The following NSRP1 variants were observed in gnomAD, a reference collection of about 807,000 sequenced individuals.
NSRP1 encodes the protein coiled-coil domain containing 55.
A neutral mutation model predicts 54.7 loss-of-function variants in NSRP1; 24 were observed. The ratio of observed to expected loss-of-function variants is 0.44; its 90% confidence interval spans 0.32 to 0.62. NSRP1 has a LOEUF of 0.62. NSRP1 is among the 20% of genes least tolerant of loss of function. The probability of loss-of-function intolerance (pLI) is 0.06; values close to 1 mark genes in which losing one functional copy is unlikely to be tolerated. For synonymous variants in NSRP1, 210 were observed against 213.8 expected (o/e 0.98, Z 0.15); for missense variants, 596 against 651.2 (o/e 0.92, Z 0.92).
chr17:30,159,031 A>C (rs1033440359), intron 2 of NSRP1, among the ~76,000 whole-genome samples: 9 of 152,192 alleles, frequency 5.9e-5, no homozygotes, highest in Non-Finnish European at 4.4e-5. Flanking sequence ...GATTGCGTTG[A>C]ATCTGTAGAT....
intron 5 of NSRP1, 69 bp downstream of exon 5, chr17:30,179,366 GCT>G: frequency 6.8e-7 from 1 of 1,460,852 alleles, no homozygotes; most frequent in Non-Finnish European, 9.0e-7. Flanking sequence ...TTAGCTGTTT[GCT>G]CTGTCACTGA....
At chr17:30,167,625 T>A (rs1904781349) in intron 2 of NSRP1, among the ~76,000 whole-genome samples, 2 of 152,024 alleles carry the variant, frequency 1.3e-5, no homozygotes, top group Non-Finnish European at 2.9e-5. Context: ...AAAAATAAGA[T>A]CTTACTGATC....
chr17:30,130,058 T>C (rs557328698), intron 2 of NSRP1, among the ~76,000 whole-genome samples: 4 of 152,218 alleles, frequency 2.6e-5, no homozygotes, highest in South Asian at 4.2e-4. Context: ...AGTGGGGAGA[T>C]GGCAAGAAAA....
Position 30,184,903 on chromosome 17 carries a change from C to T in NSRP1, c.906C>T (p.His302=). The change falls in exon 7 of 7, where the codon CAC becomes CAT. Residue 302 remains histidine, a synonymous_variant. Coordinates refer to ENST00000247026, the MANE Select transcript of NSRP1 (RefSeq NM_032141.4). The part of the protein sequence containing the change: ...PSEERGHSTR[H]HTKGSRTSRG... Reference sequence around the variant, plus strand: ...AAGAAAGAGGGCACAGTACCAGGCACCACACGAAAGGATCACGAACGTCGA... The same window carrying T: ...AAGAAAGAGGGCACAGTACCAGGCATCACACGAAAGGATCACGAACGTCGA... 1.2e-6 allele frequency: 2 copies of T among 1,614,088 alleles called. No homozygotes were observed. The highest frequency in any genetic ancestry group is 1.7e-6 in the Non-Finnish European group (2 of 1,180,024).
chr17:30,122,349 T>TGTGTGTGTGTATATATATATATATATA (rs1481107161), intron 2 of NSRP1: 1 of 72,304 alleles, frequency 1.4e-5, no homozygotes, highest in African/African-American at 5.7e-5. Flanking sequence ...ATAACTCTGG[T>TGTGTGTGTGTATATATATATATATATA]TTCATATATA....
intron 2 of NSRP1, among the ~76,000 whole-genome samples, chr17:30,164,480 A>G (rs1192996743): frequency 1.3e-5 from 2 of 152,106 alleles, no homozygotes; most frequent in African/African-American, 4.8e-5. Flanking sequence ...GTCTCCCTAA[A>G]TTTAAAACTA....
intron 6 of NSRP1, among the ~76,000 whole-genome samples, chr17:30,183,491 ACT>A (rs1221029905): frequency 6.6e-6 from 1 of 152,100 alleles, no homozygotes; most frequent in Non-Finnish European, 1.5e-5. Flanking sequence ...CTGCCATGAA[ACT>A]CTGTAATGTC....
chr17:30,159,484 G>A (rs1904433608), intron 2 of NSRP1, among the ~76,000 whole-genome samples: 1 of 151,340 alleles, frequency 6.6e-6, no homozygotes, highest in Middle Eastern at 3.2e-3. Flanking sequence ...TGATTGCTTT[G>A]GCCAGGACTT....
chr17:30,116,955 A>G, intron 1 of NSRP1, 92 bp downstream of exon 1: 1 of 1,446,806 alleles, frequency 6.9e-7, no homozygotes, highest in Non-Finnish European at 9.5e-7. Flanking sequence ...GCTGGAAGTG[A>G]AGGGACTGTG....
intron 2 of NSRP1, among the ~76,000 whole-genome samples, chr17:30,129,085 T>C (rs2071677429): frequency 6.6e-6 from 1 of 151,900 alleles, no homozygotes; most frequent in Non-Finnish European, 1.5e-5. Flanking sequence ...CTTTTCTGTA[T>C]TTTCAACTAT....
At chr17:30,138,681 G>C (rs1041961264) in intron 2 of NSRP1, among the ~76,000 whole-genome samples, 3 of 152,098 alleles carry the variant, frequency 2.0e-5, no homozygotes, top group Admixed American at 6.6e-5. Flanking sequence ...GTATACTTTG[G>C]GGGGTGGAGG....
chr17:30,135,071 T>G (rs1169846387), intron 2 of NSRP1, among the ~76,000 whole-genome samples: 1 of 152,146 alleles, frequency 6.6e-6, no homozygotes, highest in Non-Finnish European at 1.5e-5. Context: ...AAGAGGAAAT[T>G]CAGAAATTTG....
Position 30,185,507 on chromosome 17 carries a change from G to A in NSRP1, c.1510G>A (p.Glu504Lys), listed in dbSNP as rs1905500636. The change falls in exon 7 of 7, where the codon GAG (glutamate) becomes AAG (lysine). Residue 504 changes from glutamate (E) to lysine (K), a missense_variant. Glu to Lys is a moderately conservative substitution (Grantham distance 56, BLOSUM62 1). Transcript: ENST00000247026. ...ACTGGGAGCAAAACACAGACTCACA[G>A]AGGAAGGGCAAGAGAAGGGTAAAGA... Reference protein sequence around the residue: ...SSLGAKHRLTEEGQEKGKEQE... With the variant: ...SSLGAKHRLTKEGQEKGKEQE... 1 of 1,614,088 alleles carries A rather than the reference G, an allele frequency of 6.2e-7. No homozygotes were observed. The highest frequency in any genetic ancestry group is 8.5e-7 in the Non-Finnish European group (1 of 1,180,020).
chr17:30,123,289 T>G (rs2071620646), intron 2 of NSRP1, among the ~76,000 whole-genome samples: 1 of 151,722 alleles, frequency 6.6e-6, no homozygotes. Context: ...AGCTAATTTT[T>G]GTATTTTTAG....
chr17:30,163,776 G>A (rs1043790135), intron 2 of NSRP1, among the ~76,000 whole-genome samples: 1 of 150,464 alleles, frequency 6.6e-6, no homozygotes, highest in African/African-American at 2.4e-5. Flanking sequence ...CCACCTCCTG[G>A]GTGCAAGCAA....
chr17:30,138,929 T>G (rs1184921048), intron 2 of NSRP1, among the ~76,000 whole-genome samples: 3 of 141,838 alleles, frequency 2.1e-5, no homozygotes, highest in Non-Finnish European at 4.6e-5. Flanking sequence ...TTTTTTTTTT[T>G]TTTTTTGAGA....
intron 4 of NSRP1, 96 bp from the exon 5 acceptor site, chr17:30,178,994 C>A (rs527313040): frequency 2.9e-6 from 2 of 679,372 alleles, no homozygotes; most frequent in Admixed American, 3.7e-5. Context: ...CTTATTTGGG[C>A]CAATCATTTC....
chr17:30,117,585 C>T (rs1597588935), intron 1 of NSRP1: 1 of 375,588 alleles, frequency 2.7e-6, no homozygotes, highest in East Asian at 3.9e-5. Context: ...TTGGGTTTCT[C>T]AGTTATCTTT....
chr17:30,164,794 T>A (rs888496903), intron 2 of NSRP1, among the ~76,000 whole-genome samples: 2 of 151,920 alleles, frequency 1.3e-5, no homozygotes, highest in African/African-American at 4.8e-5. Flanking sequence ...CAAGACCCTG[T>A]CTCAAAAAAA....
Sources: allele counts gnomAD v4.1 joint callset (sites outside exome capture counted in the v4.1 genomes callset), GRCh38; gene constraint gnomAD v4.1.1; transcripts MANE v1.5; gene names NCBI Gene and HGNC (gene_info 2026-07-23, HGNC 2026-07-21).